Variants in RNF217 observed in about 807,000 individuals in gnomAD.
RNF217 encodes the protein E3 ubiquitin-protein ligase RNF217.
RNF217 carries 31 observed loss-of-function variants against 57.8 expected under a neutral mutation model. That is an observed-to-expected ratio of 0.54 (90% CI 0.40 to 0.72). The LOEUF (loss-of-function observed/expected upper bound fraction) is 0.72, where lower values mean the gene tolerates loss of function less well. Ranked by LOEUF, RNF217 falls within the 30% of genes least tolerant of loss-of-function variation. The pLI is 0.00. For missense variants in RNF217, 696 were observed against 708.3 expected (o/e 0.98, Z 0.20); for synonymous variants, 313 against 294.0 (o/e 1.06, Z -0.66).
chr6:124,983,419 A>G (rs1784249051), intron 1 of RNF217: 2 of 984,940 alleles, frequency 2.0e-6, no homozygotes, highest in Non-Finnish European at 2.4e-6. Context: ...AGAGTGAAAT[A>G]TGGTCAGGAC....
At chr6:125,067,271 C>G (rs1165558370) in intron 3 of RNF217, among the ~76,000 whole-genome samples, 2 of 152,122 alleles carry the variant, frequency 1.3e-5, no homozygotes, top group Non-Finnish European at 2.9e-5. Flanking sequence ...ACTTTGCAAA[C>G]AACATTAAGA....
intron 2 of RNF217, among the ~76,000 whole-genome samples, chr6:125,051,859 G>A (rs897395064): frequency 2.6e-5 from 4 of 152,012 alleles, no homozygotes; most frequent in Non-Finnish European, 5.9e-5. Context: ...AGGACTTTGG[G>A]CTATGCAAAT....
rs1656693281 is a variant in RNF217 at position 124,962,524 on chromosome 6, C to T, written c.-21C>T. On this transcript the variant is annotated 5_prime_UTR_variant, in exon 1 of 6. Coordinates refer to ENST00000521654, the MANE Select transcript of RNF217 (RefSeq NM_001286398.3). The surrounding 1 kb of genome is among the most constrained non-coding windows in gnomAD (Gnocchi z 4.6). Reference sequence around the variant, plus strand: ...GTCCCGGCGGCTGGATGGGCAGCGGCGGCGCGGGCCGCGGGCGGCGATGGG... The same window carrying T: ...GTCCCGGCGGCTGGATGGGCAGCGGTGGCGCGGGCCGCGGGCGGCGATGGG... 1.3e-5 allele frequency: 15 copies of T among 1,147,274 alleles called. No homozygotes were observed. The South Asian group carries it at 6.4e-4, about 49-fold the overall frequency. The allele number at this position is 1,147,274 out of a possible 1,614,324, so 71.1% of individuals were successfully genotyped here. A position where few individuals can be genotyped will look rare whatever the true frequency, so the allele number is the denominator to read the frequency against.
At chr6:124,984,779 A>G (rs1582670085) in intron 1 of RNF217, among the ~76,000 whole-genome samples, 1 of 152,152 alleles carries the variant, frequency 6.6e-6, no homozygotes, top group Non-Finnish European at 1.5e-5. Context: ...AATATTTCTT[A>G]GAACCTGAGA....
At chr6:125,022,457 G>A (rs923640490) in intron 1 of RNF217, among the ~76,000 whole-genome samples, 2 of 152,182 alleles carry the variant, frequency 1.3e-5, no homozygotes, top group Non-Finnish European at 2.9e-5. Flanking sequence ...GGATGAGCAG[G>A]CTGACAGGGC....
At chr6:125,024,350 A>T (rs1785979088) in intron 1 of RNF217, among the ~76,000 whole-genome samples, 1 of 152,178 alleles carries the variant, frequency 6.6e-6, no homozygotes, top group Non-Finnish European at 1.5e-5. Flanking sequence ...TGGGAGGCTG[A>T]GGCAGGCGGA....
At chr6:125,076,564 A>AG in intron 3 of RNF217, 93 bp from the exon 4 acceptor site, 2 of 755,274 alleles carry the variant, frequency 2.6e-6, no homozygotes, top group Non-Finnish European at 4.6e-6. Flanking sequence ...TATTTTGGTG[A>AG]AACTGGTAAG....
At chr6:125,081,590 CA>C (rs1448218766) in intron 5 of RNF217, 83 bp downstream of exon 5, 1 of 1,107,494 alleles carries the variant, frequency 9.0e-7, no homozygotes, top group Non-Finnish European at 1.3e-6. Flanking sequence ...TAATATGAAT[CA>C]GTTATTAAGT....
At chr6:125,001,419 T>C (rs1784977217) in intron 1 of RNF217, among the ~76,000 whole-genome samples, 1 of 152,182 alleles carries the variant, frequency 6.6e-6, no homozygotes, top group Admixed American at 6.5e-5. Flanking sequence ...ACTAGTGAAG[T>C]CTGGGGCACA....
intron 1 of RNF217, among the ~76,000 whole-genome samples, chr6:125,039,258 T>C (rs1045878691): frequency 6.6e-6 from 1 of 152,078 alleles, no homozygotes; most frequent in African/African-American, 2.4e-5. Context: ...AAAATTTTAC[T>C]TTAAGTTCCA....
intron 1 of RNF217, among the ~76,000 whole-genome samples, chr6:124,973,194 C>T (rs1054024960): frequency 5.9e-5 from 9 of 152,284 alleles, no homozygotes; most frequent in Admixed American, 4.6e-4. Context: ...GATCCCAGCT[C>T]ATAACACTGT....
chr6:125,006,033 C>G (rs1562464048), intron 1 of RNF217: 2 of 152,284 alleles, frequency 1.3e-5, no homozygotes, highest in East Asian at 3.9e-4. Flanking sequence ...GGCACGCTGC[C>G]AGGCCCAGGA....
rs894360504 is a variant in RNF217 at position 125,084,122 on chromosome 6, A to G, written c.*1185A>G. 1 of 151,920 alleles carries G rather than the reference A, an allele frequency of 6.6e-6. No individual in the cohort carries two copies. The highest frequency in any genetic ancestry group is 1.5e-5 in the Non-Finnish European group (1 of 67,930). 9.4% of individuals were successfully genotyped at this position (151,920 alleles called of 1,614,324 possible). Reference sequence around the variant, plus strand: ...CTCCTCTCTGTTTTTATTTGTTTTCAAGGTTTTTCATAAAAACAAATACTA... The same window carrying G: ...CTCCTCTCTGTTTTTATTTGTTTTCGAGGTTTTTCATAAAAACAAATACTA... On this transcript the variant is annotated 3_prime_UTR_variant, in exon 6 of 6. Transcript: ENST00000521654.
chr6:125,000,381 C>T (rs138383480), intron 1 of RNF217, among the ~76,000 whole-genome samples: 1 of 151,928 alleles, frequency 6.6e-6, no homozygotes, highest in East Asian at 1.9e-4. Flanking sequence ...TTGAGAAACA[C>T]ACATAATGTT....
At chr6:124,976,831 T>C (rs952288726) in intron 1 of RNF217, among the ~76,000 whole-genome samples, 1 of 152,180 alleles carries the variant, frequency 6.6e-6, no homozygotes, top group Non-Finnish European at 1.5e-5. Context: ...TCAACCAGAA[T>C]AGATAACCCT....
intron 4 of RNF217, among the ~76,000 whole-genome samples, chr6:125,080,036 C>A (rs972574523): frequency 1.3e-5 from 2 of 151,904 alleles, no homozygotes; most frequent in African/African-American, 4.8e-5. Flanking sequence ...AAAATCAATG[C>A]TGTTACTTTT....
intron 1 of RNF217, among the ~76,000 whole-genome samples, chr6:124,993,402 A>G (rs1293613724): frequency 6.6e-6 from 1 of 152,174 alleles, no homozygotes; most frequent in Non-Finnish European, 1.5e-5. Flanking sequence ...CACTAAAATT[A>G]TTATCATTAG....
chr6:125,006,359 C>CTATA (rs2114320409), intron 1 of RNF217, among the ~76,000 whole-genome samples: 1 of 152,252 alleles, frequency 6.6e-6, no homozygotes, highest in South Asian at 2.1e-4. Flanking sequence ...AACCACAGGG[C>CTATA]TATAGAAAAG....
chr6:125,074,297 G>GTAGATAGA (rs61208735), intron 3 of RNF217, among the ~76,000 whole-genome samples: 1,621 of 144,856 alleles, frequency 0.011, 12 homozygotes, highest in African/African-American at 0.011. Context: ...CAGAAGATAG[G>GTAGATAGA]TAGATAGATA....
Sources: gnomAD v4.1 joint callset for allele counts (sites outside exome capture counted in the v4.1 genomes callset) on GRCh38, gnomAD v4.1.1 for gene constraint, Gnocchi (gnomAD v3.1) non-coding constraint, MANE v1.5 for transcripts, NCBI Gene and HGNC (gene_info 2026-07-23, HGNC 2026-07-21) for gene names.